The following FARP1 variants were observed in gnomAD, a reference collection of about 807,000 sequenced individuals.
FARP1 encodes FERM, ARH/RhoGEF and pleckstrin domain protein 1.
A neutral mutation model predicts 128.8 loss-of-function variants in FARP1; 52 were observed. The ratio of observed to expected loss-of-function variants is 0.40; its 90% confidence interval spans 0.32 to 0.51. FARP1 has a LOEUF of 0.51. Ranked by LOEUF, FARP1 falls within the 20% of genes least tolerant of loss-of-function variation. FARP1 has a pLI of 0.45. For synonymous variants in FARP1, 580 were observed against 551.8 expected (o/e 1.05, Z -0.72); for missense variants, 1,333 against 1,367.9 (o/e 0.97, Z 0.40).
In FARP1 at chr13:98,213,546, G is replaced by GC. The variant is rs1240718045; in HGVS notation, c.171+139dup. The stretch of plus-strand genomic sequence containing the variant: ...CTGCATGTTCAGCACCTCCCTCCCC[G>GC]CCCCCCAATGGCCCCGCTGACCCGT... On this transcript the variant is annotated intron_variant, in intron 2 of 26. Transcript: ENST00000319562. The GC allele has an allele frequency of 1.7e-4, 150 of 880,200 alleles. No individual in the cohort carries two copies. The Middle Eastern group carries it at 3.3e-3, about 19-fold the overall frequency. 54.5% of individuals were successfully genotyped at this position (880,200 alleles called of 1,614,324 possible).
At chr13:98,204,941 C>T (rs550174510) in intron 1 of FARP1, among the ~76,000 whole-genome samples, 4 of 119,210 alleles carry the variant, frequency 3.4e-5, no homozygotes, top group African/African-American at 1.0e-4. Flanking sequence ...GAGTGAGACC[C>T]TATCTAAAAA....
intron 2 of FARP1, among the ~76,000 whole-genome samples, chr13:98,226,338 T>C (rs1881765303): frequency 6.6e-6 from 1 of 152,254 alleles, no homozygotes; most frequent in Non-Finnish European, 1.5e-5. Flanking sequence ...CAAGTGTTTC[T>C]GTATTTTCCC....
chr13:98,444,233 C>T (rs1409631008), intron 24 of FARP1, among the ~76,000 whole-genome samples: 4 of 152,108 alleles, frequency 2.6e-5, no homozygotes, highest in East Asian at 3.9e-4. Flanking sequence ...GCTTAGGGCT[C>T]GTCCTAGTGA....
chr13:98,337,666 G>A (rs557123516), intron 2 of FARP1, among the ~76,000 whole-genome samples: 1 of 151,586 alleles, frequency 6.6e-6, no homozygotes, highest in Admixed American at 6.6e-5. Context: ...AGTTCTGTCA[G>A]CTTAATCTGT....
chr13:98,315,184 G>A (rs1315541422), intron 2 of FARP1, among the ~76,000 whole-genome samples: 1 of 152,180 alleles, frequency 6.6e-6, no homozygotes, highest in African/African-American at 2.4e-5. Flanking sequence ...AGGGTGGAGT[G>A]CTGTGGTGTG....
At position 98,449,500 on chromosome 13, in the gene FARP1, A is replaced by AAAC. The variant is rs1294771294; in HGVS notation, c.*1186_*1188dup. 1 of 152,382 alleles carries AAAC rather than the reference A, an allele frequency of 6.6e-6. No individual in the cohort carries two copies. Among genetic ancestry groups the AAAC allele is most frequent in the African/African-American group, 2.4e-5 (1 of 41,382 alleles). 9.4% of individuals were successfully genotyped at this position (152,382 alleles called of 1,614,324 possible). On this transcript the variant is annotated 3_prime_UTR_variant, in exon 27 of 27. Transcript: ENST00000319562. The stretch of plus-strand genomic sequence containing the variant: ...CTAAGCCCTTTCTAACGAGAGTCTC[A>AAAC]AACAAGCGGAGGCGAGGGCCAATTC...
chr13:98,191,107 G>A (rs1462764012), intron 1 of FARP1, among the ~76,000 whole-genome samples: 2 of 152,140 alleles, frequency 1.3e-5, no homozygotes, highest in East Asian at 1.9e-4. Flanking sequence ...GAGGCATTAA[G>A]GGAACTCCCG....
intron 13 of FARP1, chr13:98,402,632 G>A (rs762132233): frequency 3.9e-5 from 6 of 152,156 alleles, no homozygotes; most frequent in Non-Finnish European, 8.8e-5. Flanking sequence ...AAAGACTGAA[G>A]ATAGGTCTTC....
intron 16 of FARP1, among the ~76,000 whole-genome samples, chr13:98,417,371 T>C (rs939048516): frequency 7.0e-6 from 1 of 143,872 alleles, no homozygotes; most frequent in Admixed American, 7.4e-5. Flanking sequence ...TTCTCGACTA[T>C]ACCTTTATGG....
chr13:98,439,063 T>A (rs1892413479), intron 20 of FARP1, 44 bp from the exon 21 acceptor site: 2 of 1,520,342 alleles, frequency 1.3e-6, no homozygotes, highest in African/African-American at 1.4e-5. Flanking sequence ...GGAAGCCTGC[T>A]GTCCAAACGT....
chr13:98,160,474 G>C (rs749728615), intron 1 of FARP1, among the ~76,000 whole-genome samples: 1 of 152,054 alleles, frequency 6.6e-6, no homozygotes, highest in South Asian at 2.1e-4. Context: ...TTTAAAAATA[G>C]CCTCGTTTCT....
intron 2 of FARP1, chr13:98,244,666 G>A: frequency 6.2e-7 from 1 of 1,614,226 alleles, no homozygotes; most frequent in Admixed American, 1.7e-5. Flanking sequence ...GGAAGTAGAA[G>A]CTTAGCGGTC....
chr13:98,336,987 T>C (rs1027516233), intron 2 of FARP1, among the ~76,000 whole-genome samples: 2 of 152,214 alleles, frequency 1.3e-5, no homozygotes, highest in African/African-American at 2.4e-5. Context: ...TTGAGACTGA[T>C]AGTGAACGGG....
At chr13:98,365,000 T>C (rs2892735) in intron 3 of FARP1, among the ~76,000 whole-genome samples, 67,135 of 152,134 alleles carry the variant, frequency 0.44, 16,542 homozygotes, top group Non-Finnish European at 0.58. Context: ...AGATGTGCTG[T>C]TCTAGACACT....
chr13:98,177,662 A>C (rs1457689478), intron 1 of FARP1, among the ~76,000 whole-genome samples: 11 of 103,966 alleles, frequency 1.1e-4, no homozygotes, highest in South Asian at 3.4e-4. Context: ...AAAAAAAAAA[A>C]AACCAAAAAA....
At chr13:98,363,550 C>A (rs59898926) in intron 3 of FARP1, among the ~76,000 whole-genome samples, 3,093 of 152,178 alleles carry the variant, frequency 0.02, 102 homozygotes, top group African/African-American at 0.071. Context: ...CTGCCCATCC[C>A]TGGGAGCAGT....
intron 16 of FARP1, among the ~76,000 whole-genome samples, chr13:98,421,471 T>C (rs1161651314): frequency 3.9e-5 from 6 of 152,158 alleles, no homozygotes; most frequent in African/African-American, 7.2e-5. Context: ...CACTAGAATA[T>C]CTAAATGATG....
chr13:98,350,156 G>A (rs572410556), intron 3 of FARP1, among the ~76,000 whole-genome samples: 12 of 152,268 alleles, frequency 7.9e-5, no homozygotes, highest in Middle Eastern at 3.4e-3. Flanking sequence ...AATGGTGACT[G>A]TGTTGACAGG....
chr13:98,267,936 A>C (rs1024284728), intron 2 of FARP1, among the ~76,000 whole-genome samples: 1 of 127,180 alleles, frequency 7.9e-6, no homozygotes, highest in African/African-American at 3.1e-5. Flanking sequence ...ACGGATACTT[A>C]AAAAAATCTT....
Sources: gnomAD v4.1 joint callset for allele counts (sites outside exome capture counted in the v4.1 genomes callset) on GRCh38, gnomAD v4.1.1 for gene constraint, MANE v1.5 for transcripts, NCBI Gene and HGNC (gene_info 2026-07-23, HGNC 2026-07-21) for gene names.